PRELID2: variants seen among roughly 807,000 people sequenced by gnomAD.
PRELID2 encodes the protein PRELI domain containing 2.
PRELID2 carries 25 observed loss-of-function variants against 28.4 expected under a neutral mutation model. The observed-to-expected ratio is 0.88, with a 90% confidence interval of 0.64 to 1.23. The LOEUF is 1.23. PRELID2 is among the 50% of genes most tolerant of loss of function. The probability of loss-of-function intolerance (pLI) is 0.00; values close to 1 mark genes in which losing one functional copy is unlikely to be tolerated. For synonymous variants in PRELID2, 76 were observed against 71.6 expected, an observed-to-expected ratio of 1.06 and a Z score of -0.31; for missense variants, 201 against 214.4, an observed-to-expected ratio of 0.94 and a Z score of 0.39.
chr5:145,428,068 C>T, the PRELID2 span, among the ~76,000 whole-genome samples: 1 of 152,160 alleles, frequency 6.6e-6, no homozygotes, highest in Non-Finnish European at 1.5e-5. Context: ...AAGCGATTCT[C>T]CTGCCTCAGC....
rs1195194186 is a variant in PRELID2 at position 145,728,437 on chromosome 5, AG to A, written n.70+36493del. On this transcript the variant is annotated intron_variant and non_coding_transcript_variant, in intron 1 of 2. Coordinates refer to the PRELID2 transcript ENST00000510259. The stretch of plus-strand genomic sequence containing the variant: ...TTCAAGCTTCAGCAAGAGACAAAAC[AG>A]GGACCCCGGATCTGGAACCAGATTG... 8.7e-6 allele frequency: 5 copies of A among 577,058 alleles called. No individual in the cohort carries two copies. In the East Asian group the frequency reaches 1.5e-4, roughly 18 times the overall value. 35.7% of individuals were successfully genotyped at this position (577,058 alleles called of 1,614,324 possible). A position where few individuals can be genotyped will look rare whatever the true frequency, so the allele number is the denominator to read the frequency against.
intron 1 of PRELID2, among the ~76,000 whole-genome samples, chr5:145,747,550 A>G (rs1757023466): frequency 6.6e-6 from 1 of 152,200 alleles, no homozygotes; most frequent in Non-Finnish European, 1.5e-5. Context: ...TACTAACCAA[A>G]AAAAGCCCAG....
intron 1 of PRELID2, among the ~76,000 whole-genome samples, chr5:145,616,935 G>A (rs568014038): frequency 4.6e-5 from 7 of 152,156 alleles, no homozygotes; most frequent in South Asian, 4.1e-4. Context: ...GCCACCCCCC[G>A]AAGCGGCCAT....
chr5:145,244,699 A>G, the PRELID2 span, among the ~76,000 whole-genome samples: 1 of 152,140 alleles, frequency 6.6e-6, no homozygotes, highest in Non-Finnish European at 1.5e-5. Flanking sequence ...ATGAATTTAG[A>G]TAATATATTT....
At chr5:145,308,580 G>A in the PRELID2 span, among the ~76,000 whole-genome samples, 17 of 151,930 alleles carry the variant, frequency 1.1e-4, no homozygotes, top group East Asian at 3.1e-3. Context: ...TCTATCTGTG[G>A]ACACGTAGGT....
At chr5:145,697,053 A>G (rs1755289153) in intron 1 of PRELID2, among the ~76,000 whole-genome samples, 1 of 118,236 alleles carries the variant, frequency 8.5e-6, no homozygotes, top group African/African-American at 4.0e-5. Context: ...ATATATATAT[A>G]TATATATATA....
chr5:145,516,034 A>G (rs1019607551), intron 1 of PRELID2, among the ~76,000 whole-genome samples: 2 of 152,230 alleles, frequency 1.3e-5, no homozygotes, highest in African/African-American at 4.8e-5. Context: ...AGCCAATATC[A>G]TACTGAATGG....
At chr5:145,340,778 T>TATATATATATATATATATATATAG in the PRELID2 span, among the ~76,000 whole-genome samples, 2 of 129,186 alleles carry the variant, frequency 1.5e-5, no homozygotes, top group Non-Finnish European at 3.1e-5. Context: ...TACATATATA[T>TATATATATATATATATATATATAG]ATATATATAT....
At chr5:145,729,487 T>C (rs1359559432) in intron 1 of PRELID2, 2 of 281,230 alleles carry the variant, frequency 7.1e-6, no homozygotes, top group African/African-American at 2.3e-5. Context: ...GCCCTCTGAA[T>C]AAACAAGCCT....
chr5:145,544,119 A>C (rs368078269), intron 1 of PRELID2, among the ~76,000 whole-genome samples: 1 of 152,106 alleles, frequency 6.6e-6, no homozygotes, highest in South Asian at 2.1e-4. Flanking sequence ...GAAAGCATCA[A>C]AAGTCACACA....
At chr5:145,280,089 C>G in the PRELID2 span, among the ~76,000 whole-genome samples, 1 of 152,224 alleles carries the variant, frequency 6.6e-6, no homozygotes, top group South Asian at 2.1e-4. Flanking sequence ...GTGAACCAAA[C>G]CAGTGACTTC....
At chr5:145,832,617 G>C (rs1451830666) in intron 1 of PRELID2, among the ~76,000 whole-genome samples, 1 of 152,206 alleles carries the variant, frequency 6.6e-6, no homozygotes, top group African/African-American at 2.4e-5. Flanking sequence ...TGTCCTACCT[G>C]CTAGCTGTGG....
At chr5:145,521,319 C>A (rs1272376455) in intron 1 of PRELID2, among the ~76,000 whole-genome samples, 1 of 152,146 alleles carries the variant, frequency 6.6e-6, no homozygotes, top group Admixed American at 6.6e-5. Flanking sequence ...AGAGTCTTAG[C>A]TATTGCCTGT....
At chr5:145,519,303 C>T (rs1580966078) in intron 1 of PRELID2, among the ~76,000 whole-genome samples, 2 of 152,038 alleles carry the variant, frequency 1.3e-5, no homozygotes, top group Non-Finnish European at 2.9e-5. Context: ...CTGAAGGTAA[C>T]CTTTAGGATG....
chr5:145,421,927 G>A, the PRELID2 span, among the ~76,000 whole-genome samples: 4 of 151,854 alleles, frequency 2.6e-5, no homozygotes, highest in Non-Finnish European at 4.4e-5. Context: ...ATTCTGGTAT[G>A]TTGTGTCTTT....
the PRELID2 span, among the ~76,000 whole-genome samples, chr5:145,432,426 T>A: frequency 4.4e-5 from 4 of 91,684 alleles, no homozygotes; most frequent in African/African-American, 1.6e-4. Context: ...TAAGCTCAAG[T>A]TGTTAAAAAA....
chr5:145,786,631 T>C (rs1183889490), intron 5 of PRELID2, among the ~76,000 whole-genome samples: 2 of 152,188 alleles, frequency 1.3e-5, no homozygotes, highest in Non-Finnish European at 2.9e-5. Context: ...AGACTCCTAA[T>C]CTACAGAAAC....
At chr5:145,436,127 C>T in the PRELID2 span, among the ~76,000 whole-genome samples, 1 of 152,006 alleles carries the variant, frequency 6.6e-6, no homozygotes, top group Non-Finnish European at 1.5e-5. Context: ...TCTGTTTTTT[C>T]CTTCTTTGTG....
intron 5 of PRELID2, among the ~76,000 whole-genome samples, chr5:145,773,159 A>T (rs1581173428): frequency 6.6e-6 from 1 of 152,224 alleles, no homozygotes; most frequent in African/African-American, 2.4e-5. Flanking sequence ...TCAAATAATA[A>T]AGTCTAAAAA....
Sources: gnomAD v4.1 joint callset for allele counts (sites outside exome capture counted in the v4.1 genomes callset) on GRCh38, gnomAD v4.1.1 for gene constraint, MANE v1.5 for transcripts, NCBI Gene and HGNC (gene_info 2026-07-23, HGNC 2026-07-21) for gene names.